Variants in TP63 observed in about 807,000 individuals in gnomAD.
TP63 encodes the protein tumor protein 63.
Under a neutral mutation model 82.8 loss-of-function variants are expected in TP63, and 17 were observed. The observed-to-expected ratio is 0.21, with a 90% CI of 0.14 to 0.31. The LOEUF (loss-of-function observed/expected upper bound fraction) is 0.31. Among genes scored for constraint, TP63 ranks in the 10% least tolerant of loss-of-function variants. The pLI, the probability that TP63 is intolerant of heterozygous loss-of-function variation, is 1.00. For synonymous variants in TP63, 330 were observed against 321.7 expected (o/e 1.03, Z -0.28); for missense variants, 648 against 895.3 (o/e 0.72, Z 3.52).
chr3:189,725,222 T>C (rs1397043879), intron 1 of TP63, among the ~76,000 whole-genome samples: 1 of 152,184 alleles, frequency 6.6e-6, no homozygotes, highest in Non-Finnish European at 1.5e-5. Context: ...ACAGACATAG[T>C]ATATATAATT....
the TP63 span, among the ~76,000 whole-genome samples, chr3:189,612,908 G>T: frequency 6.6e-6 from 1 of 152,150 alleles, no homozygotes; most frequent in Non-Finnish European, 1.5e-5. Context: ...ACAATTTAGG[G>T]TATTTGGCAG....
At chr3:189,739,782 TTTC>T (rs1041930222) in intron 3 of TP63, among the ~76,000 whole-genome samples, 26 of 145,898 alleles carry the variant, frequency 1.8e-4, no homozygotes, top group African/African-American at 6.1e-4. Flanking sequence ...GCTGGTGGGT[TTTC>T]TTTTTTTTTT....
At chr3:189,750,514 T>A (rs1721731259) in intron 3 of TP63, among the ~76,000 whole-genome samples, 1 of 152,216 alleles carries the variant, frequency 6.6e-6, no homozygotes, top group South Asian at 2.1e-4. Context: ...ATACTCAAGG[T>A]ATCGAATACT....
chr3:189,741,991 T>G (rs774654539), intron 3 of TP63, among the ~76,000 whole-genome samples: 2 of 152,010 alleles, frequency 1.3e-5, no homozygotes, highest in African/African-American at 4.8e-5. Flanking sequence ...GCCTGTAATC[T>G]CAGCACTTTG....
intron 1 of TP63, among the ~76,000 whole-genome samples, chr3:189,723,183 T>C (rs1199354825): frequency 6.6e-6 from 1 of 152,202 alleles, no homozygotes; most frequent in East Asian, 1.9e-4. Context: ...TTCAGTGATA[T>C]AGTTACTACT....
Position 189,885,707 on chromosome 3 carries a change from G to GT in TP63, c.1350-680dup, listed in dbSNP as rs371796838. The stretch of plus-strand genomic sequence containing the variant: ...AACTATTGGGTTTTTCTGTTGCTTT[G>GT]TTTTTTTCATTTCTCCCAGGAGACT... On this transcript the variant is annotated intron_variant, in intron 10 of 13. Transcript: ENST00000264731. Among the ~76,000 whole-genome samples, 50 of 152,224 alleles carry GT rather than the reference G, an allele frequency of 3.3e-4. No homozygotes were observed. In the South Asian group the frequency reaches 5.2e-3, roughly 16 times the overall value.
In TP63 at chr3:189,646,600, G is replaced by T. The variant is rs73063894; in HGVS notation, c.62+15023G>T. ...TCTATTATACATTCTTCTACTTTTG[G>T]TCCCACCCCCACCACCATACACCTT... On this transcript the variant is annotated intron_variant, in intron 1 of 13. Transcript: ENST00000264731. Among the ~76,000 whole-genome samples, 1,222 of 145,510 alleles carry T rather than the reference G, an allele frequency of 8.4e-3. 136 individuals carry two copies. Among genetic ancestry groups the T allele is most frequent in the African/African-American group, 0.029 (1,139 of 38,646 alleles).
intron 3 of TP63, among the ~76,000 whole-genome samples, chr3:189,754,957 G>A (rs1322272852): frequency 6.8e-6 from 1 of 147,764 alleles, no homozygotes; most frequent in Non-Finnish European, 1.5e-5. Context: ...ATTAAAGGCT[G>A]CTGCTTTTTT....
chr3:189,649,536 A>G (rs1257621086), intron 1 of TP63, among the ~76,000 whole-genome samples: 1 of 146,888 alleles, frequency 6.8e-6, no homozygotes. Flanking sequence ...TAGGCTTAAT[A>G]CCTGGATGAT....
At chr3:189,623,307 A>C in the TP63 span, among the ~76,000 whole-genome samples, 7 of 152,274 alleles carry the variant, frequency 4.6e-5, no homozygotes, top group Admixed American at 3.3e-4. Flanking sequence ...GCTCAAACTA[A>C]CCAAGGGAAG....
At chr3:189,886,279 A>G (rs1183065701) in intron 10 of TP63, 115 bp from the exon 11 acceptor site, 28 of 1,184,068 alleles carry the variant, frequency 2.4e-5, no homozygotes, top group Middle Eastern at 1.9e-4. Context: ...TCCTAGAAGA[A>G]TGTTTTCAAA....
chr3:189,674,602 C>T (rs1715222524), intron 1 of TP63, among the ~76,000 whole-genome samples: 1 of 152,128 alleles, frequency 6.6e-6, no homozygotes, highest in Non-Finnish European at 1.5e-5. Flanking sequence ...CAATATTTAT[C>T]CACAAGCTCC....
At chr3:189,886,610 C>G in intron 11 of TP63, 59 bp downstream of exon 11, 1 of 1,605,042 alleles carries the variant, frequency 6.2e-7, no homozygotes, top group Non-Finnish European at 8.5e-7. Context: ...TAGGACAAGA[C>G]TCTGTGATGG....
At chr3:189,824,224 A>AT (rs934668608) in intron 4 of TP63, among the ~76,000 whole-genome samples, 37 of 149,186 alleles carry the variant, frequency 2.5e-4, no homozygotes, top group African/African-American at 3.7e-4. Flanking sequence ...TATTATTATT[A>AT]TTTTTTTTTT....
intron 3 of TP63, among the ~76,000 whole-genome samples, chr3:189,778,477 T>G (rs1160156027): frequency 2.6e-5 from 4 of 152,212 alleles, no homozygotes; most frequent in Non-Finnish European, 5.9e-5. Flanking sequence ...TGTGAACCAG[T>G]AAACATTTTT....
chr3:189,613,224 G>A, the TP63 span, among the ~76,000 whole-genome samples: 1,899 of 152,294 alleles, frequency 0.012, 43 homozygotes, highest in African/African-American at 0.043. Flanking sequence ...TTCCTGGCCT[G>A]GGCCCAGGGT....
At chr3:189,721,751 G>A (rs1719411979) in intron 1 of TP63, among the ~76,000 whole-genome samples, 1 of 152,150 alleles carries the variant, frequency 6.6e-6, no homozygotes, top group South Asian at 2.1e-4. Flanking sequence ...CGCCACTTGA[G>A]ACTCCTTAAG....
intron 4 of TP63, among the ~76,000 whole-genome samples, chr3:189,831,214 C>G (rs537185919): frequency 6.6e-6 from 1 of 152,258 alleles, no homozygotes; most frequent in African/African-American, 2.4e-5. Flanking sequence ...GTGGAGGATC[C>G]TAATTGAAAT....
At chr3:189,729,975 G>A (rs1720043915) in intron 1 of TP63, among the ~76,000 whole-genome samples, 1 of 152,150 alleles carries the variant, frequency 6.6e-6, no homozygotes, top group Non-Finnish European at 1.5e-5. Context: ...CTAAGTATTG[G>A]AATGTTTTCT....
Sources: gnomAD v4.1 joint callset for allele counts (sites outside exome capture counted in the v4.1 genomes callset) on GRCh38, gnomAD v4.1.1 for gene constraint, MANE v1.5 for transcripts, NCBI Gene and HGNC (gene_info 2026-07-23, HGNC 2026-07-21) for gene names.